The following ARK2N variants were observed in gnomAD, a reference collection of about 807,000 sequenced individuals.
The protein encoded by ARK2N is arkadia (RNF111) N-terminal like PKA signaling regulator 2N, also known as protein ARK2N.
the ARK2N span, among the ~76,000 whole-genome samples, chr18:46,260,186 A>G: frequency 6.6e-6 from 1 of 152,288 alleles, no homozygotes; most frequent in East Asian, 1.9e-4. Flanking sequence ...GCTTTGTTCT[A>G]TAGCAATGAT....
the ARK2N span, among the ~76,000 whole-genome samples, chr18:46,200,066 T>TTGTGTGTGTGTG: frequency 4.9e-4 from 73 of 150,184 alleles, no homozygotes; most frequent in African/African-American, 1.2e-3. Flanking sequence ...AAATTCTTTA[T>TTGTGTGTGTGTG]TGTGTGTGTG....
the ARK2N span, among the ~76,000 whole-genome samples, chr18:46,255,270 G>A: frequency 6.6e-5 from 10 of 152,028 alleles, no homozygotes; most frequent in Non-Finnish European, 8.8e-5. Context: ...TTAACATGCC[G>A]TCTCCCCAAA....
the ARK2N span, among the ~76,000 whole-genome samples, chr18:46,244,173 GTATTAATA>G: frequency 6.6e-6 from 1 of 152,148 alleles, no homozygotes; most frequent in African/African-American, 2.4e-5. Context: ...TTAGGAAACT[GTATTAATA>G]TATCTGAAAA....
chr18:46,204,809 G>GCCT, the ARK2N span, among the ~76,000 whole-genome samples: 62 of 152,022 alleles, frequency 4.1e-4, no homozygotes, highest in Middle Eastern at 3.4e-3. Flanking sequence ...AAGGAAAAGG[G>GCCT]CCTGTGGCAA....
chr18:46,255,474 G>T, the ARK2N span, among the ~76,000 whole-genome samples: 1 of 62,598 alleles, frequency 1.6e-5, no homozygotes. Flanking sequence ...TTTTTGAGGG[G>T]GAGTTTCACT....
chr18:46,255,445 C>CTTTTCTTTTTTTTTT, the ARK2N span, among the ~76,000 whole-genome samples: 4 of 77,728 alleles, frequency 5.1e-5, no homozygotes, highest in African/African-American at 2.4e-4. Flanking sequence ...CTTTTCTTTT[C>CTTTTCTTTTTTTTTT]TTTTTTTTTT....
At chr18:46,203,074 C>G in the ARK2N span, among the ~76,000 whole-genome samples, 1 of 152,138 alleles carries the variant, frequency 6.6e-6, no homozygotes, top group South Asian at 2.1e-4. Context: ...TTTGGGAAAA[C>G]TTTCTAGTAA....
the ARK2N span, among the ~76,000 whole-genome samples, chr18:46,262,590 G>A: frequency 6.6e-6 from 1 of 152,118 alleles, no homozygotes; most frequent in African/African-American, 2.4e-5. Flanking sequence ...ACTTTGTTCT[G>A]GATTTATGTG....
chr18:46,197,545 T>C, the ARK2N span, among the ~76,000 whole-genome samples: 1 of 152,190 alleles, frequency 6.6e-6, no homozygotes, highest in Non-Finnish European at 1.5e-5. Flanking sequence ...AAGTCTTCTC[T>C]CTTTACAGCA....
At chr18:46,190,331 C>A in the ARK2N span, among the ~76,000 whole-genome samples, 11 of 151,998 alleles carry the variant, frequency 7.2e-5, no homozygotes, top group African/African-American at 2.4e-4. Context: ...ACCAGCCTGA[C>A]CAACATGGAG....
chr18:46,216,384 C>A, the ARK2N span: 1 of 1,614,016 alleles, frequency 6.2e-7, no homozygotes, highest in South Asian at 1.1e-5. The surrounding 1 kb of genome is among the most constrained non-coding windows in gnomAD (Gnocchi z 4.3). Flanking sequence ...ATGGCCGAGT[C>A]GCCAAGGTTA....
the ARK2N span, chr18:46,240,236 C>T: frequency 6.3e-7 from 1 of 1,591,402 alleles, no homozygotes; most frequent in Non-Finnish European, 8.6e-7. Context: ...TGCATGTGTC[C>T]TGGAGCTGTT....
At chr18:46,235,872 A>G in the ARK2N span, among the ~76,000 whole-genome samples, 1 of 150,618 alleles carries the variant, frequency 6.6e-6, no homozygotes, top group South Asian at 2.1e-4. Flanking sequence ...TGTTTTTGTG[A>G]TTCAAATTTT....
At chr18:46,248,461 G>T in the ARK2N span, among the ~76,000 whole-genome samples, 2 of 152,178 alleles carry the variant, frequency 1.3e-5, no homozygotes, top group South Asian at 4.1e-4. Context: ...ATATTTTGTA[G>T]GTAGCTAAGA....
chr18:46,203,021 G>C, the ARK2N span, among the ~76,000 whole-genome samples: 1 of 152,054 alleles, frequency 6.6e-6, no homozygotes, highest in Non-Finnish European at 1.5e-5. Context: ...AAAAAACAGA[G>C]ACTCTCAGAC....
At chr18:46,193,587 C>G in the ARK2N span, among the ~76,000 whole-genome samples, 1 of 139,944 alleles carries the variant, frequency 7.1e-6, no homozygotes, top group South Asian at 2.3e-4. Context: ...CTGCGCCCAG[C>G]CGGGTTTTTT....
At chr18:46,225,120 C>T in the ARK2N span, among the ~76,000 whole-genome samples, 1 of 152,142 alleles carries the variant, frequency 6.6e-6, no homozygotes. Flanking sequence ...TTGACACTGG[C>T]GAAGAGAACA....
chr18:46,241,002 AT>A, the ARK2N span, among the ~76,000 whole-genome samples: 5 of 152,240 alleles, frequency 3.3e-5, no homozygotes, highest in African/African-American at 1.2e-4. Context: ...TTGCTGAAAG[AT>A]TATAGTTTTC....
the ARK2N span, among the ~76,000 whole-genome samples, chr18:46,236,141 G>T: frequency 6.6e-6 from 1 of 152,124 alleles, no homozygotes; most frequent in South Asian, 2.1e-4. Flanking sequence ...AAAGTAGTTG[G>T]TAGATTTTTT....
Sources: allele counts gnomAD v4.1 joint callset (sites outside exome capture counted in the v4.1 genomes callset), GRCh38; gene constraint gnomAD v4.1.1; non-coding constraint Gnocchi (gnomAD v3.1); transcripts MANE v1.5; gene names NCBI Gene and HGNC (gene_info 2026-07-23, HGNC 2026-07-21).